CDH4: variants seen among roughly 807,000 people sequenced by gnomAD.
CDH4 encodes cadherin-4.
A neutral mutation model predicts 86.0 loss-of-function variants in CDH4; 33 were observed. The ratio of observed to expected loss-of-function variants is 0.38; its 90% confidence interval spans 0.29 to 0.51. CDH4 has a LOEUF of 0.51. Among genes scored for constraint, CDH4 ranks in the 20% least tolerant of loss-of-function variants. The pLI is 0.86. For missense variants in CDH4, 1,114 were observed against 1,307.4 expected, an observed-to-expected ratio of 0.85 and a Z score of 2.28; for synonymous variants, 555 against 549.4, an observed-to-expected ratio of 1.01 and a Z score of -0.14.
At chr20:61,562,269 T>G (rs1294338156) in intron 2 of CDH4, among the ~76,000 whole-genome samples, 1 of 90,086 alleles carries the variant, frequency 1.1e-5, no homozygotes. Context: ...GGGACCTCCG[T>G]GTGGAGAGGT....
chr20:61,379,474 G>A (rs6121569), intron 2 of CDH4, among the ~76,000 whole-genome samples: 37,415 of 151,896 alleles, frequency 0.25, 4,993 homozygotes, highest in African/African-American at 0.34. Flanking sequence ...TCCAACATCC[G>A]AATCTGTGTA....
chr20:61,835,620 C>G (rs1048031191), intron 4 of CDH4, among the ~76,000 whole-genome samples: 3 of 152,236 alleles, frequency 2.0e-5, no homozygotes, highest in Non-Finnish European at 2.9e-5. Flanking sequence ...AGTTCATACA[C>G]CAGGGCTTCC....
intron 3 of CDH4, among the ~76,000 whole-genome samples, chr20:61,765,760 C>A (rs1249993422): frequency 6.6e-6 from 1 of 152,110 alleles, no homozygotes; most frequent in African/African-American, 2.4e-5. Context: ...GGCCTGGAGG[C>A]CAGGCCCAAA....
In CDH4 at chr20:61,547,379, A is replaced by T. The variant is rs993978218; in HGVS notation, c.170-196184A>T. ...AGGCACCTGCCACTGCGCCCGGCTAATTTTTTTTGTATTTTTAGTAGAGAC... is the reference window on the plus strand; with the variant it reads ...AGGCACCTGCCACTGCGCCCGGCTATTTTTTTTTGTATTTTTAGTAGAGAC... On this transcript the variant is annotated intron_variant, in intron 2 of 15. Coordinates refer to ENST00000614565, the MANE Select transcript of CDH4 (RefSeq NM_001794.5). 5.3e-5 allele frequency among the ~76,000 whole-genome samples: 8 copies of T among 150,822 alleles called. No homozygotes were observed. In the Middle Eastern group the frequency reaches 0.014, roughly 258 times the overall value.
chr20:61,692,247 GTGTA>G (rs1324824096), intron 2 of CDH4, among the ~76,000 whole-genome samples: 8 of 100,316 alleles, frequency 8.0e-5, no homozygotes, highest in African/African-American at 2.9e-5. Context: ...ATGTATGTGT[GTGTA>G]TGTGTGTGTC....
In CDH4 at chr20:61,383,159, TTA is replaced by T. The variant is rs1238423756; in HGVS notation, c.169+128230_169+128231del. Among the ~76,000 whole-genome samples, 47 of 88,802 alleles carry T rather than the reference TTA, an allele frequency of 5.3e-4. 7 individuals are homozygous for T. The highest frequency in any genetic ancestry group is 4.1e-3 in the East Asian group (16 of 3,876). The allele number at this position is 88,802 out of a possible 152,430, so 58.3% of individuals were successfully genotyped here. A position where few individuals can be genotyped will look rare whatever the true frequency, so the allele number is the denominator to read the frequency against. On this transcript the variant is annotated intron_variant, in intron 2 of 15. Transcript: ENST00000614565. ...ATATATATGAATATATATGAATATA[TTA>T]TATATATGAATATATTTATGAATAT... is the stretch of plus-strand genomic sequence containing the variant.
chr20:61,519,078 C>G (rs1398029615), intron 2 of CDH4, among the ~76,000 whole-genome samples: 2 of 152,200 alleles, frequency 1.3e-5, no homozygotes, highest in Non-Finnish European at 2.9e-5. Context: ...TGAGTATGAC[C>G]ATCACCCCTC....
intron 2 of CDH4, among the ~76,000 whole-genome samples, chr20:61,661,116 G>A (rs574699391): frequency 5.6e-5 from 8 of 143,126 alleles, no homozygotes; most frequent in African/African-American, 1.8e-4. Context: ...CCAGGCTCAT[G>A]CCAGGTGGGT....
intron 2 of CDH4, among the ~76,000 whole-genome samples, chr20:61,274,054 T>TGC (rs2084207485): frequency 1.2e-4 from 9 of 72,884 alleles, no homozygotes; most frequent in East Asian, 5.2e-4. Flanking sequence ...GTACCATGTG[T>TGC]AGTTTGGGGA....
At chr20:61,353,764 C>CTCCCCCTCCCCCTCCTCCCT (rs2084730315) in intron 2 of CDH4, among the ~76,000 whole-genome samples, 1 of 141,778 alleles carries the variant, frequency 7.1e-6, no homozygotes, top group Admixed American at 7.1e-5. Flanking sequence ...ATGATTCACC[C>CTCCCCCTCCCCCTCCTCCCT]CAGTTCACCT....
intron 2 of CDH4, among the ~76,000 whole-genome samples, chr20:61,573,700 GTTCCTGCC>G (rs1326624875): frequency 1.1e-4 from 17 of 152,202 alleles, no homozygotes; most frequent in African/African-American, 4.1e-4. Context: ...TCCACACGGG[GTTCCTGCC>G]ATTCCTAGCA....
chr20:61,417,550 T>TCAA lies in CDH4; in HGVS notation c.169+162618_169+162620dup, dbSNP rs537555806. Among the ~76,000 whole-genome samples the TCAA allele has an allele frequency of 1.7e-3, 255 of 152,318 alleles. 1 individual carries two copies. The highest frequency in any genetic ancestry group is 5.7e-3 in the African/African-American group (239 of 41,570). ...ATCTCCCCTTCTGGGTTGATTACTGTCAACAACTGTCATCCCTCCCTGGCC... is the reference window on the plus strand; with the variant it reads ...ATCTCCCCTTCTGGGTTGATTACTGTCAACAACAACTGTCATCCCTCCCTGGCC... On this transcript the variant is annotated intron_variant, in intron 2 of 15. Coordinates refer to ENST00000614565, the MANE Select transcript of CDH4 (RefSeq NM_001794.5). The surrounding 1 kb of genome is among the most constrained non-coding windows in gnomAD (Gnocchi z 4.0).
Position 61,748,907 on chromosome 20 carries a change from AT to A in CDH4, c.396+5119del, listed in dbSNP as rs1452162228. ...TGCAAAAAAGAGAAATGAAAACAGA[AT>A]AGATGGGCTACACATTTCTCTTTGT... is the stretch of plus-strand genomic sequence containing the variant. On this transcript the variant is annotated intron_variant, in intron 3 of 15. Coordinates refer to ENST00000614565, the MANE Select transcript of CDH4 (RefSeq NM_001794.5). Among the ~76,000 whole-genome samples, 152 of 152,382 alleles carry A rather than the reference AT, an allele frequency of 1.0e-3. 1 individual carries two copies. The highest frequency in any genetic ancestry group is 3.5e-3 in the African/African-American group (147 of 41,596).
Position 61,252,612 on chromosome 20 carries a change from G to A in CDH4, c.57+42G>A. ...CGCCCCCGCCGTTCGGAAGCCCCGGGCAGCGGGAGGTCGTCCCCGGATCCC... is the reference window on the plus strand; with the variant it reads ...CGCCCCCGCCGTTCGGAAGCCCCGGACAGCGGGAGGTCGTCCCCGGATCCC... On this transcript the variant is annotated intron_variant, in intron 1 of 15. Transcript: ENST00000614565. The surrounding 1 kb of genome is among the most constrained non-coding windows in gnomAD (Gnocchi z 4.4). 8.6e-7 allele frequency: 1 copy of A among 1,163,624 alleles called. No individual in the cohort carries two copies. The highest frequency in any genetic ancestry group is 1.1e-6 in the Non-Finnish European group (1 of 934,326). The allele number at this position is 1,163,624 out of a possible 1,614,324, so 72.1% of individuals were successfully genotyped here.
intron 3 of CDH4, among the ~76,000 whole-genome samples, chr20:61,764,991 C>T (rs867581253): frequency 1.3e-5 from 2 of 152,138 alleles, no homozygotes; most frequent in African/African-American, 2.4e-5. Flanking sequence ...TGGGGAGAGG[C>T]GATCTGAAAT....
Position 61,822,832 on chromosome 20 carries a change from C to T in CDH4, c.577-21836C>T, listed in dbSNP as rs1334261879. Among the ~76,000 whole-genome samples, 13 of 152,328 alleles carry T rather than the reference C, an allele frequency of 8.5e-5. No individual in the cohort carries two copies. The Middle Eastern group carries it at 0.01, about 120-fold the overall frequency. On this transcript the variant is annotated intron_variant, in intron 4 of 15. Coordinates refer to ENST00000614565, the MANE Select transcript of CDH4 (RefSeq NM_001794.5). ...GGGCTGCCTAGCCCAGGTCAGACTC[C>T]GGCCACAACAGGGCATGCCTTCCTC... is the stretch of plus-strand genomic sequence containing the variant.
chr20:61,622,513 C>A lies in CDH4; in HGVS notation c.170-121050C>A, dbSNP rs7269312. ...GAGGACCAGACACTTGTGGCCCATG[C>A]CAAAGAGTCTGACAGGGAGACAGAG... On this transcript the variant is annotated intron_variant, in intron 2 of 15. Transcript: ENST00000614565. 5.0e-3 allele frequency among the ~76,000 whole-genome samples: 757 copies of A among 152,370 alleles called. 5 individuals are homozygous for A. The highest frequency in any genetic ancestry group is 0.011 in the African/African-American group (455 of 41,584).
At chr20:61,655,956 T>TGA (rs2087182732) in intron 2 of CDH4, among the ~76,000 whole-genome samples, 1 of 152,268 alleles carries the variant, frequency 6.6e-6, no homozygotes, top group African/African-American at 2.4e-5. Flanking sequence ...TGTAAGAGTG[T>TGA]GAGAGGCTCG....
chr20:61,893,170 GTT>G, intron 7 of CDH4, among the ~76,000 whole-genome samples: 1 of 99,738 alleles, frequency 1.0e-5, no homozygotes, highest in Non-Finnish European at 2.1e-5. Flanking sequence ...AGGGATGGTG[GTT>G]GGGTGGGTGG....
Sources: gnomAD v4.1 joint callset for allele counts (sites outside exome capture counted in the v4.1 genomes callset) on GRCh38, gnomAD v4.1.1 for gene constraint, Gnocchi (gnomAD v3.1) non-coding constraint, MANE v1.5 for transcripts, NCBI Gene and HGNC (gene_info 2026-07-23, HGNC 2026-07-21) for gene names.